The following RORA variants were observed in gnomAD, a reference collection of about 807,000 sequenced individuals.
RORA encodes the protein nuclear receptor ROR-alpha.
A neutral mutation model predicts 69.5 loss-of-function variants in RORA; 7 were observed. The observed-to-expected ratio is 0.10, with a 90% CI of 0.06 to 0.19. RORA has a LOEUF of 0.19. RORA is among the 10% of genes least tolerant of loss of function. The probability of loss-of-function intolerance (pLI) is 1.00; values close to 1 mark genes in which losing one functional copy is unlikely to be tolerated. For synonymous variants in RORA, 261 were observed against 240.8 expected (o/e 1.08, Z -0.78); for missense variants, 457 against 663.0 (o/e 0.69, Z 3.41).
chr15:60,622,063 C>T (rs168144), intron 2 of RORA, among the ~76,000 whole-genome samples: 86,397 of 151,480 alleles, frequency 0.57, 24,562 homozygotes, highest in Admixed American at 0.59. Context: ...AAAAGGAAAG[C>T]GGAATGTTCC....
chr15:60,632,690 A>C (rs1808892722), intron 2 of RORA, among the ~76,000 whole-genome samples: 1 of 152,084 alleles, frequency 6.6e-6, no homozygotes, highest in African/African-American at 2.4e-5. Flanking sequence ...GGAGAAATAC[A>C]ACTCACACGC....
intron 2 of RORA, among the ~76,000 whole-genome samples, chr15:60,557,716 C>G (rs913458451): frequency 3.3e-5 from 5 of 152,066 alleles, no homozygotes; most frequent in African/African-American, 1.2e-4. Context: ...TGAAGTAAAC[C>G]CGAACTTCAG....
At chr15:60,608,165 C>T (rs989311318) in intron 2 of RORA, among the ~76,000 whole-genome samples, 2 of 152,146 alleles carry the variant, frequency 1.3e-5, no homozygotes, top group Admixed American at 6.5e-5. Flanking sequence ...CCTGCATAGA[C>T]GGAGGAAAGG....
chr15:60,790,944 C>T (rs2072407531), intron 1 of RORA, among the ~76,000 whole-genome samples: 1 of 152,118 alleles, frequency 6.6e-6, no homozygotes, highest in South Asian at 2.1e-4. Flanking sequence ...TGTCTATGAC[C>T]TTCAGAGGCC....
chr15:60,855,091 C>T (rs1465219055), intron 1 of RORA, among the ~76,000 whole-genome samples: 1 of 152,200 alleles, frequency 6.6e-6, no homozygotes, highest in Non-Finnish European at 1.5e-5. Flanking sequence ...TGGCTGACCA[C>T]ATGGGGGATG....
At chr15:60,795,892 G>C (rs1381043244) in intron 1 of RORA, among the ~76,000 whole-genome samples, 1 of 152,218 alleles carries the variant, frequency 6.6e-6, no homozygotes, top group African/African-American at 2.4e-5. Context: ...TACCCAAAAG[G>C]CCTCATGCCT....
chr15:61,040,149 T>G (rs1365822139), intron 1 of RORA, among the ~76,000 whole-genome samples: 1 of 107,946 alleles, frequency 9.3e-6, no homozygotes, highest in Non-Finnish European at 2.0e-5. Context: ...TATATATATA[T>G]ATATATATAT....
At chr15:60,993,644 C>CAAAAAAAAAAAAAAAAAA (rs3053932) in intron 1 of RORA, among the ~76,000 whole-genome samples, 1 of 83,076 alleles carries the variant, frequency 1.2e-5, no homozygotes, top group Non-Finnish European at 2.2e-5. Context: ...CTCTCCATCT[C>CAAAAAAAAAAAAAAAAAA]AAAAAAAAAA....
At chr15:61,007,222 G>T (rs879517862) in intron 1 of RORA, among the ~76,000 whole-genome samples, 3 of 152,188 alleles carry the variant, frequency 2.0e-5, no homozygotes, top group Non-Finnish European at 4.4e-5. Flanking sequence ...ATCCAAGGTA[G>T]GTGGTTGGTT....
At chr15:60,733,619 G>T (rs1447835223) in intron 1 of RORA, among the ~76,000 whole-genome samples, 1 of 152,168 alleles carries the variant, frequency 6.6e-6, no homozygotes, top group East Asian at 1.9e-4. Flanking sequence ...TAAACTGTAT[G>T]ATCTCCCATA....
At chr15:61,032,166 T>G (rs1896205939) in intron 1 of RORA, among the ~76,000 whole-genome samples, 1 of 152,148 alleles carries the variant, frequency 6.6e-6, no homozygotes, top group Non-Finnish European at 1.5e-5. Flanking sequence ...GTACTTGAAA[T>G]TACGTAGGAT....
chr15:60,744,623 A>C (rs1369608017), intron 1 of RORA, among the ~76,000 whole-genome samples: 2 of 152,166 alleles, frequency 1.3e-5, no homozygotes, highest in Admixed American at 1.3e-4. Context: ...CTGGACTTCC[A>C]TGAGAATCAA....
intron 1 of RORA, among the ~76,000 whole-genome samples, chr15:61,111,983 G>A (rs922507428): frequency 6.6e-6 from 1 of 152,124 alleles, no homozygotes; most frequent in African/African-American, 2.4e-5. Context: ...CCTCCTGCCA[G>A]GTGTGGGAGG....
intron 1 of RORA, among the ~76,000 whole-genome samples, chr15:61,075,947 G>A (rs2078442814): frequency 6.6e-6 from 1 of 152,184 alleles, no homozygotes. Context: ...AGCATCCAAA[G>A]GAGAGAAGCT....
At chr15:60,724,561 A>G (rs1017707691) in intron 1 of RORA, among the ~76,000 whole-genome samples, 2 of 151,972 alleles carry the variant, frequency 1.3e-5, no homozygotes, top group African/African-American at 2.4e-5. Context: ...AGCTTTCCCT[A>G]TTGTTTGACT....
chr15:60,861,336 A>T (rs1161098860), intron 1 of RORA, among the ~76,000 whole-genome samples: 3 of 152,138 alleles, frequency 2.0e-5, no homozygotes, highest in African/African-American at 7.2e-5. Flanking sequence ...ATGTTTGTAG[A>T]CCCAACCACT....
chr15:61,032,667 A>G (rs907046407), intron 1 of RORA, among the ~76,000 whole-genome samples: 1 of 152,156 alleles, frequency 6.6e-6, no homozygotes, highest in Non-Finnish European at 1.5e-5. Flanking sequence ...AAGTCTAACA[A>G]ATGCTTAAGA....
intron 1 of RORA, among the ~76,000 whole-genome samples, chr15:61,110,524 AT>A (rs539325618): frequency 2.0e-4 from 31 of 151,918 alleles, no homozygotes; most frequent in Admixed American, 1.8e-3. Flanking sequence ...GTGTACTCTT[AT>A]TTTTTTTAAA....
intron 1 of RORA, among the ~76,000 whole-genome samples, chr15:61,014,722 G>GA (rs1020113177): frequency 6.6e-6 from 1 of 151,808 alleles, no homozygotes; most frequent in Non-Finnish European, 1.5e-5. Flanking sequence ...TAAGCCTTAA[G>GA]AAAAAAAATA....
Sources: gnomAD v4.1 joint callset for allele counts (sites outside exome capture counted in the v4.1 genomes callset) on GRCh38, gnomAD v4.1.1 for gene constraint, MANE v1.5 for transcripts, NCBI Gene and HGNC (gene_info 2026-07-23, HGNC 2026-07-21) for gene names.